ITGAD: variants seen among roughly 807,000 people sequenced by gnomAD.
The protein encoded by ITGAD is integrin subunit alpha D.
Under a neutral mutation model 139.0 loss-of-function variants are expected in ITGAD, and 105 were observed. The ratio of observed to expected loss-of-function variants is 0.76; its 90% CI spans 0.65 to 0.89. The LOEUF (loss-of-function observed/expected upper bound fraction) is 0.89, where lower values mean the gene tolerates loss of function less well. ITGAD is among the 40% of genes least tolerant of loss of function. The probability of loss-of-function intolerance (pLI) is 0.00; values close to 1 mark genes in which losing one functional copy is unlikely to be tolerated. For missense variants in ITGAD, 1,384 were observed against 1,487.3 expected (o/e 0.93, Z 1.14); for synonymous variants, 569 against 598.3 (o/e 0.95, Z 0.71).
Position 31,394,307 on chromosome 16 carries a change from T to G in ITGAD, c.103T>G (p.Phe35Val). 1 of 1,613,666 alleles carries G rather than the reference T, an allele frequency of 6.2e-7. No individual in the cohort carries two copies. Among genetic ancestry groups the G allele is most frequent in the African/African-American group, 1.3e-5 (1 of 74,948 alleles). The change falls in exon 2 of 30, where the codon TTT (phenylalanine) becomes GTT (valine). Residue 35 changes from phenylalanine (F) to valine (V), a missense_variant. Coordinates refer to ENST00000389202, the MANE Select transcript of ITGAD (RefSeq NM_005353.3). ...PTIFQEDAGG[F>V]GQSVVQFGGS... ...GATCTTCCAGGAGGATGCAGGCGGC[T>G]TTGGGCAGAGCGTGGTGCAGTTCGG... is the stretch of plus-strand genomic sequence containing the variant.
intron 23 of ITGAD, among the ~76,000 whole-genome samples, chr16:31,422,438 A>G (rs1429160489): frequency 1.3e-5 from 2 of 151,406 alleles, no homozygotes; most frequent in African/African-American, 2.4e-5. Context: ...CTTCACATTT[A>G]CTCACCTGCC....
intron 20 of ITGAD, among the ~76,000 whole-genome samples, chr16:31,416,906 T>A (rs1424325943): frequency 1.3e-5 from 2 of 150,926 alleles, no homozygotes; most frequent in African/African-American, 4.9e-5. Flanking sequence ...CCTGTTTACC[T>A]TTCCCCATCA....
intron 2 of ITGAD, among the ~76,000 whole-genome samples, chr16:31,395,170 A>T (rs1019064027): frequency 2.6e-5 from 4 of 152,150 alleles, no homozygotes; most frequent in Admixed American, 2.0e-4. Flanking sequence ...TGCAAAAAAA[A>T]TTAGCCGGGC....
intron 1 of ITGAD, 24 bp from the exon 2 acceptor site, chr16:31,394,212 C>T: frequency 6.6e-7 from 1 of 1,525,570 alleles, no homozygotes; most frequent in Non-Finnish European, 9.1e-7. Context: ...CTCCCAGCCT[C>T]CCCGCCCACC....
chr16:31,413,048 A>C (rs936885387), intron 15 of ITGAD, 41 bp from the exon 16 acceptor site: 2 of 1,609,648 alleles, frequency 1.2e-6, no homozygotes, highest in Admixed American at 3.4e-5. Flanking sequence ...TTATCCTCCC[A>C]GAAGCCAGTG....
intron 11 of ITGAD, 74 bp downstream of exon 11, chr16:31,410,598 G>A (rs1298367746): frequency 6.2e-7 from 1 of 1,600,450 alleles, no homozygotes; most frequent in Non-Finnish European, 8.5e-7. Context: ...TCTGGGGAGG[G>A]GGGATGGGCG....
chr16:31,405,726 T>C (rs1161587397), intron 7 of ITGAD, among the ~76,000 whole-genome samples: 1 of 142,532 alleles, frequency 7.0e-6, no homozygotes, highest in Admixed American at 7.5e-5. Flanking sequence ...CACTGCAGCC[T>C]CCAGCTCCTG....
rs1338083967 is a variant in ITGAD, at chr16:31,414,965, G to A, written c.2257G>A (p.Gly753Ser). The change falls in exon 18 of 30, where the codon GGC becomes AGC. Residue 753 changes from glycine (G) to serine (S), a missense_variant. Gly to Ser is a moderately conservative substitution (Grantham distance 56). Transcript: ENST00000389202. The stretch of plus-strand genomic sequence containing the variant: ...GAACCTGCGTCCTGTGCTGGCCGTG[G>A]GCTCACAAGACCTCTTCACTGCTTC... ...PQNLRPVLAV[G>S]SQDLFTASLP... The A allele has an allele frequency of 3.1e-6, 5 of 1,614,056 alleles. No homozygotes were observed. Among genetic ancestry groups the A allele is most frequent in the Admixed American group, 1.7e-5 (1 of 59,994 alleles).
At chr16:31,406,796 A>G (rs769104733) in intron 7 of ITGAD, among the ~76,000 whole-genome samples, 18 of 152,272 alleles carry the variant, frequency 1.2e-4, no homozygotes, top group Non-Finnish European at 2.2e-4. Context: ...CAGCCAGGCC[A>G]GGTCCAGTGT....
chr16:31,418,182 G>A lies in ITGAD; in HGVS notation c.2607G>A (p.Glu869=), dbSNP rs1597155132. 3 of 1,613,758 alleles carry A rather than the reference G, an allele frequency of 1.9e-6. No homozygotes were observed. The highest frequency in any genetic ancestry group is 4.5e-5 in the East Asian group (2 of 44,876). The change falls in exon 21 of 30, where the codon GAG becomes GAA. Residue 869 remains glutamate, a synonymous_variant. Transcript: ENST00000389202. The part of the protein sequence containing the change: ...RCSVNHPIFH[E]GSNGTFIVTF... ...GTGTCAACCACCCCATCTTCCATGA[G>A]GGCTCTAACGTCAGTGCTTCTCCCT...
Position 31,403,707 on chromosome 16 carries a change from C to T in ITGAD, c.704+62C>T. On this transcript the variant is annotated intron_variant, in intron 7 of 29. Coordinates refer to ENST00000389202, the MANE Select transcript of ITGAD (RefSeq NM_005353.3). The surrounding 1 kb of genome is among the most constrained non-coding windows in gnomAD (Gnocchi z 4.4). Reference sequence around the variant, plus strand: ...CCACCCCCACTTCCTAACCCTGGGTCAGCACAGCTCTTCTCAGAGGCTGAG... The same window carrying T: ...CCACCCCCACTTCCTAACCCTGGGTTAGCACAGCTCTTCTCAGAGGCTGAG... 1 of 1,591,218 alleles carries T rather than the reference C, an allele frequency of 6.3e-7. No homozygotes were observed. The highest frequency in any genetic ancestry group is 8.6e-7 in the Non-Finnish European group (1 of 1,162,142).
intron 23 of ITGAD, among the ~76,000 whole-genome samples, chr16:31,420,541 C>G (rs542871889): frequency 1.3e-5 from 2 of 151,644 alleles, no homozygotes; most frequent in African/African-American, 4.8e-5. Context: ...GGATTACAGG[C>G]ATGCACAACC....
chr16:31,395,642 A>G (rs944897155), intron 2 of ITGAD, among the ~76,000 whole-genome samples: 1 of 152,096 alleles, frequency 6.6e-6, no homozygotes, highest in African/African-American at 2.4e-5. Flanking sequence ...TTTATTTCAA[A>G]TTGGGACCCA....
In ITGAD at chr16:31,418,532, G is replaced by A. The variant is rs777683073; in HGVS notation, c.2748G>A (p.Pro916=). The change falls in exon 23 of 30, where the codon CCG becomes CCA. Residue 916 remains proline, a synonymous_variant. Transcript: ENST00000389202. ...SSKATFQLEL[P]VKYAVYTMIS... ...AGGCCACCTTCCAGCTGGAGCTCCC[G>A]GTGAAGTATGCAGTCTACACCATGA... The A allele has an allele frequency of 6.7e-5, 108 of 1,613,964 alleles. No individual in the cohort carries two copies. Among genetic ancestry groups the A allele is most frequent in the Admixed American group, 8.3e-5 (5 of 60,000 alleles).
chr16:31,420,039 T>C (rs28735967), intron 23 of ITGAD, among the ~76,000 whole-genome samples: 11,439 of 152,014 alleles, frequency 0.075, 1,484 homozygotes, highest in African/African-American at 0.26. Context: ...TGAAACAAAT[T>C]CTGTCCTTTG....
chr16:31,400,731 A>G (rs1359791790), intron 5 of ITGAD, among the ~76,000 whole-genome samples: 1 of 151,848 alleles, frequency 6.6e-6, no homozygotes, highest in African/African-American at 2.4e-5. Flanking sequence ...CAGCCCCCCA[A>G]ATAGCTAGGA....
intron 2 of ITGAD, among the ~76,000 whole-genome samples, chr16:31,395,004 T>C (rs2081229647): frequency 6.6e-6 from 1 of 152,186 alleles, no homozygotes; most frequent in Non-Finnish European, 1.5e-5. Flanking sequence ...TATCTGTGCA[T>C]TTGTGTTTTG....
At chr16:31,416,810 C>T (rs1244462786) in intron 20 of ITGAD, among the ~76,000 whole-genome samples, 164 bp downstream of exon 20, 7 of 152,132 alleles carry the variant, frequency 4.6e-5, no homozygotes, top group Non-Finnish European at 8.8e-5. Flanking sequence ...AGCATACATA[C>T]GGTTTAATGA....
At chr16:31,405,634 G>A (rs891431315) in intron 7 of ITGAD, among the ~76,000 whole-genome samples, 6 of 125,804 alleles carry the variant, frequency 4.8e-5, no homozygotes, top group African/African-American at 1.8e-4. Context: ...ACAATTTTTT[G>A]TTTTCCTTTT....
Sources: gnomAD v4.1 joint callset for allele counts (sites outside exome capture counted in the v4.1 genomes callset) on GRCh38, gnomAD v4.1.1 for gene constraint, Gnocchi (gnomAD v3.1) non-coding constraint, MANE v1.5 for transcripts, NCBI Gene and HGNC (gene_info 2026-07-23, HGNC 2026-07-21) for gene names.